The following TRIM49 variants were observed in gnomAD, a reference collection of about 807,000 sequenced individuals.
TRIM49 encodes tripartite motif-containing protein 49.
In TRIM49, 5 loss-of-function variants were observed where a neutral mutation model predicts 27.4. The ratio of observed to expected loss-of-function variants is 0.18; its 90% CI spans 0.10 to 0.38. The LOEUF is 0.38. Ranked by LOEUF, TRIM49 falls within the 10% of genes least tolerant of loss-of-function variation. The pLI is 1.00. For synonymous variants in TRIM49, 69 were observed against 166.0 expected (o/e 0.42, Z 4.49); for missense variants, 188 against 487.5 (o/e 0.39, Z 5.79).
intron 2 of TRIM49, among the ~76,000 whole-genome samples, chr11:89,806,214 A>T (rs1949788676): frequency 6.6e-6 from 1 of 150,908 alleles, no homozygotes. Flanking sequence ...ATAATTGAAT[A>T]CAGAAAAGGT....
chr11:89,791,439 T>A, the TRIM49 span, among the ~76,000 whole-genome samples: 51 of 151,282 alleles, frequency 3.4e-4, no homozygotes, highest in African/African-American at 1.2e-3. Flanking sequence ...AACACATAAT[T>A]GTCAGATTCA....
intron 2 of TRIM49, among the ~76,000 whole-genome samples, chr11:89,805,110 A>G (rs1256093197): frequency 6.6e-6 from 1 of 151,894 alleles, no homozygotes. Context: ...AAAGACTGCA[A>G]TTAAACTAAT....
intron 2 of TRIM49, among the ~76,000 whole-genome samples, chr11:89,804,916 A>G (rs1429899990): frequency 6.6e-6 from 1 of 151,244 alleles, no homozygotes; most frequent in Admixed American, 6.6e-5. Flanking sequence ...AGATGGTTCT[A>G]TGACATATTT....
At chr11:89,796,118 C>T (rs1344209517), downstream of TRIM49, among the ~76,000 whole-genome samples, 1 of 151,910 alleles carries the variant, frequency 6.6e-6, no homozygotes, top group Non-Finnish European at 1.5e-5. Flanking sequence ...GCACTTTTGT[C>T]TGGTCTAAGC....
chr11:89,768,898 G>C, the TRIM49 span: 3 of 491,662 alleles, frequency 6.1e-6, 1 homozygote. Context: ...TGTTATTCTT[G>C]TTGGGTGAGG....
intron 3 of TRIM49, 94 bp from the exon 4 acceptor site, chr11:89,803,887 T>C: frequency 1.3e-6 from 1 of 744,244 alleles, no homozygotes; most frequent in East Asian, 2.7e-5. Flanking sequence ...GTAAATGGCA[T>C]TTCCTTTGTT....
At chr11:89,800,411 A>G (rs1318836266) in intron 6 of TRIM49, among the ~76,000 whole-genome samples, 1 of 151,732 alleles carries the variant, frequency 6.6e-6, no homozygotes, top group Non-Finnish European at 1.5e-5. Flanking sequence ...TTCACAAAAA[A>G]AAACTTATCT....
the TRIM49 span, chr11:89,786,404 AC>A: frequency 6.9e-6 from 1 of 144,100 alleles, no homozygotes; most frequent in African/African-American, 2.9e-5. Flanking sequence ...ACAGGCAGGA[AC>A]TGCCCCTGGC....
chr11:89,795,887 A>T (rs1453065802), downstream of TRIM49, among the ~76,000 whole-genome samples: 7 of 72,392 alleles, frequency 9.7e-5, no homozygotes, highest in African/African-American at 6.4e-4. Context: ...AAGTATAATG[A>T]AAAAAAAAAT....
chr11:89,791,747 T>G, the TRIM49 span, among the ~76,000 whole-genome samples: 1 of 152,192 alleles, frequency 6.6e-6, no homozygotes. Context: ...AAGGAAGCAC[T>G]AAACATGGAA....
chr11:89,796,022 A>G (rs1295088320), downstream of TRIM49, among the ~76,000 whole-genome samples: 3 of 151,846 alleles, frequency 2.0e-5, no homozygotes, highest in Non-Finnish European at 4.4e-5. Flanking sequence ...GACTATTCAT[A>G]GCAGATTCTG....
chr11:89,772,156 G>C, the TRIM49 span, among the ~76,000 whole-genome samples: 1 of 135,730 alleles, frequency 7.4e-6, no homozygotes, highest in African/African-American at 3.4e-5. Context: ...ATTATATTTA[G>C]TTTTCCATTA....
At chr11:89,772,979 T>G in the TRIM49 span, among the ~76,000 whole-genome samples, 1 of 135,340 alleles carries the variant, frequency 7.4e-6, no homozygotes, top group Non-Finnish European at 1.5e-5. Context: ...TCACCTGAGG[T>G]CAGGAGTTCG....
the TRIM49 span, among the ~76,000 whole-genome samples, chr11:89,790,860 A>G: frequency 1.3e-4 from 20 of 152,270 alleles, no homozygotes; most frequent in East Asian, 2.1e-3. Context: ...CTCCAAAGGA[A>G]TGCAGATCCT....
At chr11:89,804,019 G>A in intron 3 of TRIM49, 40 bp downstream of exon 3, 8 of 1,611,206 alleles carry the variant, frequency 5.0e-6, no homozygotes, top group South Asian at 1.1e-5. Flanking sequence ...GGAATTTTAT[G>A]CTTCCTTTAC....
intron 6 of TRIM49, among the ~76,000 whole-genome samples, chr11:89,800,573 C>G (rs1422548222): frequency 2.0e-5 from 3 of 150,632 alleles, no homozygotes; most frequent in African/African-American, 4.9e-5. Context: ...GAAACCCAGT[C>G]TCTACTAAAA....
At chr11:89,804,991 CT>C (rs1352195394) in intron 2 of TRIM49, among the ~76,000 whole-genome samples, 6 of 151,144 alleles carry the variant, frequency 4.0e-5, no homozygotes, top group Non-Finnish European at 7.4e-5. Context: ...CATAACAAGC[CT>C]GCAAGTCCTG....
chr11:89,777,528 T>TATGA, the TRIM49 span: 1 of 1,282,518 alleles, frequency 7.8e-7, no homozygotes, highest in Non-Finnish European at 1.0e-6. Flanking sequence ...GAATGTGTCC[T>TATGA]TTCAATGTTG....
chr11:89,776,909 T>G, the TRIM49 span: 4 of 1,496,330 alleles, frequency 2.7e-6, no homozygotes, highest in Admixed American at 9.6e-5. Context: ...CCGGCCTTTT[T>G]TTCCTTTTCA....
Sources: allele counts gnomAD v4.1 joint callset (sites outside exome capture counted in the v4.1 genomes callset), GRCh38; gene constraint gnomAD v4.1.1; transcripts MANE v1.5; gene names NCBI Gene and HGNC (gene_info 2026-07-23, HGNC 2026-07-21).